MEIS1: variants seen among roughly 807,000 people sequenced by gnomAD.
MEIS1 encodes the protein Meis homeobox 1.
MEIS1 carries 5 observed loss-of-function variants against 50.8 expected under a neutral mutation model. That is an observed-to-expected ratio of 0.10 (90% CI 0.05 to 0.21). The LOEUF (loss-of-function observed/expected upper bound fraction) is 0.21, where lower values mean the gene tolerates loss of function less well. MEIS1 is among the 10% of genes least tolerant of loss of function. The probability of loss-of-function intolerance (pLI) is 1.00; values close to 1 mark genes in which losing one functional copy is unlikely to be tolerated. For missense variants in MEIS1, 318 were observed against 517.3 expected (o/e 0.61, Z 3.74); for synonymous variants, 176 against 179.3 (o/e 0.98, Z 0.15).
intron 7 of MEIS1, among the ~76,000 whole-genome samples, chr2:66,502,571 A>G (rs1673583787): frequency 6.6e-6 from 1 of 152,188 alleles, no homozygotes; most frequent in South Asian, 2.1e-4. Flanking sequence ...TCTGGCTTAT[A>G]TCAACAAGCC....
At chr2:66,492,745 GC>G (rs1379779437) in intron 7 of MEIS1, among the ~76,000 whole-genome samples, 1 of 152,202 alleles carries the variant, frequency 6.6e-6, no homozygotes, top group Non-Finnish European at 1.5e-5. Flanking sequence ...CCACATGGGT[GC>G]TAGGAAAAAG....
intron 8 of MEIS1, among the ~76,000 whole-genome samples, chr2:66,520,345 G>T (rs1053654274): frequency 6.6e-6 from 1 of 151,340 alleles, no homozygotes; most frequent in Non-Finnish European, 1.5e-5. Flanking sequence ...GCCGGGCTTG[G>T]TGGTAGGCAC....
chr2:66,566,379 G>A (rs1238741068), intron 9 of MEIS1, among the ~76,000 whole-genome samples: 1 of 152,088 alleles, frequency 6.6e-6, no homozygotes, highest in Non-Finnish European at 1.5e-5. Context: ...ATTCATACTG[G>A]ACTATGGATC....
At chr2:66,510,338 G>C (rs1274212703) in intron 7 of MEIS1, among the ~76,000 whole-genome samples, 2 of 152,158 alleles carry the variant, frequency 1.3e-5, no homozygotes, top group Non-Finnish European at 2.9e-5. Flanking sequence ...AGATGTAGGG[G>C]TCTGGAACAG....
intron 8 of MEIS1, among the ~76,000 whole-genome samples, chr2:66,520,826 A>G (rs745439362): frequency 6.6e-6 from 1 of 152,226 alleles, no homozygotes; most frequent in African/African-American, 2.4e-5. Flanking sequence ...ATTTTTCTCA[A>G]GATCAAAAGC....
At chr2:66,473,077 G>A (rs140313655) in intron 7 of MEIS1, among the ~76,000 whole-genome samples, 4 of 152,168 alleles carry the variant, frequency 2.6e-5, no homozygotes, top group East Asian at 3.9e-4. Flanking sequence ...TTAAAGCCAA[G>A]TTGTAATATA....
chr2:66,503,392 C>G (rs1399972633), intron 7 of MEIS1, among the ~76,000 whole-genome samples: 1 of 152,146 alleles, frequency 6.6e-6, no homozygotes, highest in Non-Finnish European at 1.5e-5. Flanking sequence ...CGCCTCTGCC[C>G]TTTTAGGCTG....
At chr2:66,498,597 G>C (rs566836892) in intron 7 of MEIS1, among the ~76,000 whole-genome samples, 1 of 152,312 alleles carries the variant, frequency 6.6e-6, no homozygotes, top group African/African-American at 2.4e-5. Flanking sequence ...AGATACCCAT[G>C]AGGTCACCTA....
chr2:66,572,308 C>G lies in MEIS1; in HGVS notation c.*1100C>G, dbSNP rs1022206165. 1 of 152,176 alleles carries G rather than the reference C, an allele frequency of 6.6e-6. No homozygotes were observed. Among genetic ancestry groups the G allele is most frequent in the Non-Finnish European group, 1.5e-5 (1 of 68,024 alleles). The allele number at this position is 152,176 out of a possible 1,614,324, so 9.4% of individuals were successfully genotyped here. ...ACATCACTTCCTGTTTTAAGCAGCT[C>G]TAAAACATAGACTGAAGATTTATTT... On this transcript the variant is annotated 3_prime_UTR_variant, in exon 13 of 13. Coordinates refer to ENST00000272369, the MANE Select transcript of MEIS1 (RefSeq NM_002398.3).
intron 3 of MEIS1, 122 bp from the exon 4 acceptor site, chr2:66,440,440 A>T: frequency 1.2e-6 from 1 of 820,818 alleles, no homozygotes; most frequent in Non-Finnish European, 2.1e-6. Context: ...TCCCTCCCGG[A>T]GGGTTACTTC....
intron 7 of MEIS1, among the ~76,000 whole-genome samples, chr2:66,474,097 T>G (rs1672832549): frequency 6.6e-6 from 1 of 152,242 alleles, no homozygotes; most frequent in Non-Finnish European, 1.5e-5. Context: ...ATCCATTTTT[T>G]TTTTCAAATA....
chr2:66,484,001 T>C (rs1362924194), intron 7 of MEIS1, among the ~76,000 whole-genome samples: 5 of 152,238 alleles, frequency 3.3e-5, no homozygotes, highest in Non-Finnish European at 5.9e-5. Context: ...TCAATGTTAC[T>C]GGTAAATCTT....
chr2:66,489,088 T>G (rs1417596353), intron 7 of MEIS1, among the ~76,000 whole-genome samples: 1 of 152,236 alleles, frequency 6.6e-6, no homozygotes, highest in Non-Finnish European at 1.5e-5. Context: ...TTGTTTGTGT[T>G]GTAATCCTTT....
rs564892399 is a variant in MEIS1, at chr2:66,508,551, C to G, written c.743-3598C>G. On this transcript the variant is annotated intron_variant, in intron 7 of 12. Transcript: ENST00000272369. ...GCATTAGAATGTTGCATATGTGCGG[C>G]CTGTGTGTGCGCAGCCCCGGCCGCT... 1.9e-4 allele frequency among the ~76,000 whole-genome samples: 29 copies of G among 152,336 alleles called. 1 individual carries two copies. In the South Asian group the frequency reaches 3.9e-3, roughly 21 times the overall value.
intron 7 of MEIS1, among the ~76,000 whole-genome samples, chr2:66,497,984 T>G (rs1438750148): frequency 1.3e-5 from 2 of 151,626 alleles, no homozygotes; most frequent in African/African-American, 2.4e-5. Flanking sequence ...AGGCTTTTTT[T>G]GGGGGGCTGT....
chr2:66,562,923 T>C (rs927125009), intron 9 of MEIS1, among the ~76,000 whole-genome samples: 1 of 152,194 alleles, frequency 6.6e-6, no homozygotes, highest in Non-Finnish European at 1.5e-5. Context: ...TATGTTCGAA[T>C]GTAAATGAAA....
chr2:66,546,832 A>G (rs999945401), intron 8 of MEIS1, among the ~76,000 whole-genome samples: 1 of 152,204 alleles, frequency 6.6e-6, no homozygotes, highest in African/African-American at 2.4e-5. Context: ...AAACTTACAT[A>G]TAAGAGTACT....
chr2:66,463,098 G>T lies in MEIS1; in HGVS notation c.631-1011G>T, dbSNP rs894051456. ...AATAAGCAAAGAGCTCTTTGATTTCGCTAGGCATACTTAATGATATTGGAA... is the reference window on the plus strand; with the variant it reads ...AATAAGCAAAGAGCTCTTTGATTTCTCTAGGCATACTTAATGATATTGGAA... On this transcript the variant is annotated intron_variant, in intron 6 of 12. Transcript: ENST00000272369. Among the ~76,000 whole-genome samples, 4 of 151,724 alleles carry T rather than the reference G, an allele frequency of 2.6e-5. No individual in the cohort carries two copies. The East Asian group carries it at 5.8e-4, about 22-fold the overall frequency.
At chr2:66,489,814 A>G (rs982081221) in intron 7 of MEIS1, among the ~76,000 whole-genome samples, 6 of 152,248 alleles carry the variant, frequency 3.9e-5, no homozygotes, top group African/African-American at 1.4e-4. Context: ...AAGTAAAACA[A>G]TTCTCAAATG....
Sources: gnomAD v4.1 joint callset for allele counts (sites outside exome capture counted in the v4.1 genomes callset) on GRCh38, gnomAD v4.1.1 for gene constraint, MANE v1.5 for transcripts, NCBI Gene and HGNC (gene_info 2026-07-23, HGNC 2026-07-21) for gene names.